Variants in TRPC6 observed in about 807,000 individuals in gnomAD.
TRPC6 encodes the protein transient receptor potential cation channel subfamily C member 6, also known as short transient receptor potential channel 6.
In TRPC6, 55 loss-of-function variants were observed where a neutral mutation model predicts 90.7. The observed-to-expected ratio is 0.61, with a 90% CI of 0.49 to 0.76. The LOEUF (loss-of-function observed/expected upper bound fraction) is 0.76. Ranked by LOEUF, TRPC6 falls within the 30% of genes least tolerant of loss-of-function variation. The pLI is 0.00. For missense variants in TRPC6, 989 were observed against 1,122.7 expected (o/e 0.88, Z 1.70); for synonymous variants, 393 against 393.0 (o/e 1.00, Z 0.00).
intron 1 of TRPC6, among the ~76,000 whole-genome samples, chr11:101,541,110 TAAGTA>T (rs1239179359): frequency 6.6e-6 from 1 of 152,228 alleles, no homozygotes; most frequent in Non-Finnish European, 1.5e-5. Flanking sequence ...TTAATGTTCA[TAAGTA>T]AAGAAATTTG....
Position 101,504,680 on chromosome 11 carries a change from T to C in TRPC6, c.289A>G (p.Ile97Val), listed in dbSNP as rs779730024. ...GCATCCAAAAAGCGTTCCTCCTCTATAGATAGGCTTGTGGAGCGATCACTA... is the reference window on the plus strand; with the variant it reads ...GCATCCAAAAAGCGTTCCTCCTCTACAGATAGGCTTGTGGAGCGATCACTA... ...MFSDRSTSLS[I>V]EEERFLDAAE... The change falls in exon 2 of 13, where the codon ATA (isoleucine) becomes GTA (valine). Residue 97 changes from isoleucine to valine, a missense_variant. Ile to Val is a conservative substitution (Grantham distance 29). Coordinates refer to ENST00000344327, the MANE Select transcript of TRPC6 (RefSeq NM_004621.6). The C allele has an allele frequency of 1.9e-6, 3 of 1,600,740 alleles. No individual in the cohort carries two copies. Among genetic ancestry groups the C allele is most frequent in the Non-Finnish European group, 2.6e-6 (3 of 1,172,156 alleles).
chr11:101,513,574 A>G (rs1860446281), intron 1 of TRPC6, among the ~76,000 whole-genome samples: 1 of 117,584 alleles, frequency 8.5e-6, no homozygotes, highest in Non-Finnish European at 1.9e-5. Flanking sequence ...TGATGAAAAC[A>G]TATGCACCAA....
intron 1 of TRPC6, among the ~76,000 whole-genome samples, chr11:101,538,946 A>G (rs765785935): frequency 6.6e-5 from 10 of 152,192 alleles, no homozygotes; most frequent in African/African-American, 1.4e-4. Flanking sequence ...AAGTCTCTCA[A>G]TAAGAGCCCA....
chr11:101,581,024 G>A (rs1862185613), intron 1 of TRPC6, among the ~76,000 whole-genome samples: 1 of 152,158 alleles, frequency 6.6e-6, no homozygotes, highest in Non-Finnish European at 1.5e-5. Context: ...AGAGAAAACA[G>A]TGGATGAAAT....
chr11:101,461,920 C>T (rs200121466), intron 10 of TRPC6, among the ~76,000 whole-genome samples: 2 of 152,194 alleles, frequency 1.3e-5, no homozygotes, highest in Non-Finnish European at 2.9e-5. Flanking sequence ...GCAAAATATA[C>T]TTCCTACCAT....
chr11:101,485,412 G>A (rs770017693), intron 4 of TRPC6, among the ~76,000 whole-genome samples: 8 of 151,564 alleles, frequency 5.3e-5, no homozygotes, highest in African/African-American at 1.2e-4. Flanking sequence ...AATATAAATA[G>A]TTAAAAATAA....
At chr11:101,480,062 C>A (rs1859516096) in intron 5 of TRPC6, among the ~76,000 whole-genome samples, 1 of 152,040 alleles carries the variant, frequency 6.6e-6, no homozygotes, top group African/African-American at 2.4e-5. Context: ...CCTGTAATCC[C>A]AGCTACTCGG....
At chr11:101,464,615 C>CT (rs1041336205) in intron 10 of TRPC6, among the ~76,000 whole-genome samples, 14 of 151,412 alleles carry the variant, frequency 9.2e-5, no homozygotes, top group Admixed American at 2.0e-4. Context: ...GCAACACCTG[C>CT]TTTTTTTTTC....
chr11:101,469,510 G>T lies in TRPC6; in HGVS notation c.2410-9C>A. ...TTCTTTTCTTCATTTATCTTTTAAA[G>T]ATAGATAGTAAAATGAGTATAACTG... On this transcript the variant is annotated splice_polypyrimidine_tract_variant and intron_variant, in intron 9 of 12. Transcript: ENST00000344327. 1 of 752,404 alleles carries T rather than the reference G, an allele frequency of 1.3e-6. No homozygotes were observed. Among genetic ancestry groups the T allele is most frequent in the Non-Finnish European group, 2.5e-6 (1 of 402,492 alleles). 46.6% of individuals were successfully genotyped at this position (752,404 alleles called of 1,614,324 possible).
chr11:101,531,244 G>C (rs2136798381), intron 1 of TRPC6, among the ~76,000 whole-genome samples: 1 of 152,210 alleles, frequency 6.6e-6, no homozygotes, highest in Non-Finnish European at 1.5e-5. Context: ...TAATAAATCT[G>C]GGAAAAAACT....
intron 5 of TRPC6, among the ~76,000 whole-genome samples, chr11:101,480,255 C>T (rs978354865): frequency 3.9e-5 from 6 of 152,114 alleles, no homozygotes; most frequent in African/African-American, 1.4e-4. Flanking sequence ...ATAAAATGAA[C>T]ATGTTATATA....
chr11:101,560,506 C>A (rs1192001753), intron 1 of TRPC6, among the ~76,000 whole-genome samples: 10 of 152,178 alleles, frequency 6.6e-5, no homozygotes, highest in African/African-American at 2.4e-4. Context: ...ATTCAACCAT[C>A]CTTCCATGCA....
intron 10 of TRPC6, among the ~76,000 whole-genome samples, chr11:101,465,225 T>C (rs1355786391): frequency 6.6e-6 from 1 of 152,226 alleles, no homozygotes; most frequent in Admixed American, 6.5e-5. Flanking sequence ...TTAAGTTTTT[T>C]CCTTCATTTC....
chr11:101,491,832 C>CTTTTTT, intron 2 of TRPC6, 94 bp from the exon 3 acceptor site: 1 of 568,378 alleles, frequency 1.8e-6, no homozygotes, highest in Non-Finnish European at 2.6e-6. Context: ...TTAAGAGAAA[C>CTTTTTT]ATTCTTTTTT....
chr11:101,465,862 A>AATTTTCCAAAAAACC, intron 10 of TRPC6, among the ~76,000 whole-genome samples: 1 of 152,216 alleles, frequency 6.6e-6, no homozygotes, highest in East Asian at 1.9e-4. Flanking sequence ...TTTGGAGGTG[A>AATTTTCCAAAAAACC]AGAGGCATTC....
intron 1 of TRPC6, among the ~76,000 whole-genome samples, chr11:101,516,707 T>C (rs1462506547): frequency 6.6e-6 from 1 of 152,198 alleles, no homozygotes; most frequent in Admixed American, 6.5e-5. Context: ...CCCTGAGAGT[T>C]TGCAAGAGCC....
intron 1 of TRPC6, among the ~76,000 whole-genome samples, chr11:101,540,500 A>G (rs1438074391): frequency 6.6e-6 from 1 of 152,220 alleles, no homozygotes; most frequent in Non-Finnish European, 1.5e-5. Flanking sequence ...TGCATCCTAC[A>G]CGCTTGGAGT....
chr11:101,503,935 T>C lies in TRPC6; in HGVS notation c.945+89A>G, dbSNP rs1860192278. ...AAAATGACCTAGTGTCCACAGTAAC[T>C]AGCACAGTGCTGAGCACATGGGGGA... On this transcript the variant is annotated intron_variant, in intron 2 of 12. Transcript: ENST00000344327. 29 of 1,515,642 alleles carry C rather than the reference T, an allele frequency of 1.9e-5. No individual in the cohort carries two copies. The South Asian group carries it at 3.1e-4, about 16-fold the overall frequency. 93.9% of individuals were successfully genotyped at this position (1,515,642 alleles called of 1,614,324 possible). A position where few individuals can be genotyped will look rare whatever the true frequency, so the allele number is the denominator to read the frequency against.
rs1315275770 is a variant in TRPC6 at position 101,583,745 on chromosome 11, C to G, written c.-242G>C. 7 of 412,834 alleles carry G rather than the reference C, an allele frequency of 1.7e-5. No individual in the cohort carries two copies. The Admixed American group carries it at 3.1e-4, about 18-fold the overall frequency. 25.6% of individuals were successfully genotyped at this position (412,834 alleles called of 1,614,324 possible). A position where few individuals can be genotyped will look rare whatever the true frequency, so the allele number is the denominator to read the frequency against. On this transcript the variant is annotated 5_prime_UTR_variant, in exon 1 of 13. Coordinates refer to ENST00000344327, the MANE Select transcript of TRPC6 (RefSeq NM_004621.6). ...GGATCTTGACCTGAGCAGGTCAGGCCGAGGAGACCCCGCGAGGATGCGTCT... is the reference window on the plus strand; with the variant it reads ...GGATCTTGACCTGAGCAGGTCAGGCGGAGGAGACCCCGCGAGGATGCGTCT...
Sources: allele counts gnomAD v4.1 joint callset (sites outside exome capture counted in the v4.1 genomes callset), GRCh38; gene constraint gnomAD v4.1.1; transcripts MANE v1.5; gene names NCBI Gene and HGNC (gene_info 2026-07-23, HGNC 2026-07-21).